Variants in TENT4B observed in about 807,000 individuals in gnomAD.
TENT4B encodes the protein terminal nucleotidyltransferase 4B, also known as PAP associated domain containing 5.
TENT4B carries 10 observed loss-of-function variants against 75.0 expected under a neutral mutation model. That is an observed-to-expected ratio of 0.13 (90% CI 0.08 to 0.23). The LOEUF (loss-of-function observed/expected upper bound fraction) is 0.23. Among genes scored for constraint, TENT4B ranks in the 10% least tolerant of loss-of-function variants. TENT4B has a pLI of 1.00. For missense variants in TENT4B, 579 were observed against 893.8 expected (o/e 0.65, Z 4.49); for synonymous variants, 350 against 357.7 (o/e 0.98, Z 0.24).
chr16:50,209,249 C>T (rs1256807808), intron 1 of TENT4B, among the ~76,000 whole-genome samples: 2 of 152,192 alleles, frequency 1.3e-5, no homozygotes, highest in Non-Finnish European at 2.9e-5. Flanking sequence ...CAGCAGACTA[C>T]GCAATGAGAT....
intron 1 of TENT4B, among the ~76,000 whole-genome samples, chr16:50,157,450 T>G (rs1191508094): frequency 2.0e-5 from 3 of 152,226 alleles, no homozygotes; most frequent in African/African-American, 7.2e-5. Flanking sequence ...TTCTTTAATA[T>G]GTAGAGTAAG....
intron 7 of TENT4B, among the ~76,000 whole-genome samples, chr16:50,224,009 C>T (rs1350522851): frequency 6.6e-6 from 1 of 152,078 alleles, no homozygotes; most frequent in Non-Finnish European, 1.5e-5. Context: ...AAAATAGATT[C>T]TGCGTTATTG....
In TENT4B at chr16:50,230,075, C is replaced by T; in HGVS notation, c.*747C>T. On this transcript the variant is annotated 3_prime_UTR_variant, in exon 12 of 12. Transcript: ENST00000561678. ...GTCCTGCTGCAAAAATTTTTCCTCTCTAAAGAAAAGGTTTATGGTGGCAAA... is the reference window on the plus strand; with the variant it reads ...GTCCTGCTGCAAAAATTTTTCCTCTTTAAAGAAAAGGTTTATGGTGGCAAA... 2.0e-6 allele frequency: 2 copies of T among 984,320 alleles called. No homozygotes were observed. Among genetic ancestry groups the T allele is most frequent in the Non-Finnish European group, 2.4e-6 (2 of 829,644 alleles). The allele number at this position is 984,320 out of a possible 1,614,324, so 61.0% of individuals were successfully genotyped here. A position where few individuals can be genotyped will look rare whatever the true frequency, so the allele number is the denominator to read the frequency against.
intron 1 of TENT4B, among the ~76,000 whole-genome samples, chr16:50,198,735 T>G (rs1471087744): frequency 6.6e-6 from 1 of 152,166 alleles, no homozygotes; most frequent in Non-Finnish European, 1.5e-5. Context: ...TTTTGAAAAC[T>G]AAAGATGAGT....
intron 1 of TENT4B, among the ~76,000 whole-genome samples, chr16:50,173,292 G>A (rs2150685379): frequency 6.6e-6 from 1 of 152,194 alleles, no homozygotes; most frequent in East Asian, 1.9e-4. Flanking sequence ...ATAGGTGTAT[G>A]AGTTTATCTA....
chr16:50,229,053 A>G, intron 11 of TENT4B, 99 bp from the exon 12 acceptor site: 1 of 1,541,104 alleles, frequency 6.5e-7, no homozygotes. Flanking sequence ...TCTAGCCAGC[A>G]TATTCCTAGT....
intron 2 of TENT4B, among the ~76,000 whole-genome samples, chr16:50,212,087 G>A (rs1029215328): frequency 1.3e-5 from 2 of 151,974 alleles, no homozygotes; most frequent in Non-Finnish European, 2.9e-5. Flanking sequence ...TTGAGATGGG[G>A]TCTCACTCTG....
At chr16:50,210,568 A>C (rs1318023048) in intron 1 of TENT4B, among the ~76,000 whole-genome samples, 1 of 152,168 alleles carries the variant, frequency 6.6e-6, no homozygotes, top group African/African-American at 2.4e-5. Flanking sequence ...TTGCTGGTCC[A>C]TTGTTTCCAT....
At chr16:50,223,538 A>G (rs2031917810) in intron 7 of TENT4B, 151 bp downstream of exon 7, 1 of 623,172 alleles carries the variant, frequency 1.6e-6, no homozygotes. Context: ...CAAACATACT[A>G]AAATAAACAG....
intron 1 of TENT4B, among the ~76,000 whole-genome samples, chr16:50,168,060 T>C (rs949634477): frequency 6.6e-6 from 1 of 151,966 alleles, no homozygotes; most frequent in Non-Finnish European, 1.5e-5. Flanking sequence ...GAAATGACTC[T>C]TGTTTCCTCA....
intron 1 of TENT4B, among the ~76,000 whole-genome samples, chr16:50,200,808 T>G (rs1427522632): frequency 6.6e-6 from 1 of 152,062 alleles, no homozygotes; most frequent in African/African-American, 2.4e-5. Context: ...TTTTTTTTTT[T>G]TATTGAGACA....
chr16:50,228,612 G>A (rs200735102), intron 11 of TENT4B, among the ~76,000 whole-genome samples: 2 of 82,324 alleles, frequency 2.4e-5, no homozygotes, highest in African/African-American at 5.8e-5. Flanking sequence ...TAGGCCTCTT[G>A]GCTGTAACCT....
intron 1 of TENT4B, among the ~76,000 whole-genome samples, chr16:50,186,363 T>TGA (rs2038527218): frequency 1.3e-5 from 2 of 152,194 alleles, no homozygotes; most frequent in African/African-American, 4.8e-5. Context: ...GTTCCTGGCT[T>TGA]TCATCATCTA....
intron 1 of TENT4B, among the ~76,000 whole-genome samples, 159 bp downstream of exon 1, chr16:50,154,418 A>G (rs1597211317): frequency 6.9e-6 from 1 of 144,656 alleles, no homozygotes; most frequent in African/African-American, 2.6e-5. Flanking sequence ...CCAACCCCCC[A>G]GTCGTTCACA....
chr16:50,211,605 T>C lies in TENT4B; in HGVS notation c.762+159T>C, dbSNP rs527638100. Among the ~76,000 whole-genome samples the C allele has an allele frequency of 3.7e-4, 56 of 152,360 alleles. 2 individuals are homozygous for C. The South Asian group carries it at 0.011, about 30-fold the overall frequency. ...TAAAGGCAAACAATTTTCTGCAGTC[T>C]TTAGAATTGAGGCTTCCTAACTATT... On this transcript the variant is annotated intron_variant, in intron 2 of 11. Transcript: ENST00000561678.
chr16:50,199,011 C>G (rs2030464324), intron 1 of TENT4B, among the ~76,000 whole-genome samples: 1 of 152,252 alleles, frequency 6.6e-6, no homozygotes, highest in Admixed American at 6.5e-5. Flanking sequence ...AAGTGCCTAT[C>G]TCTCCCCTGA....
chr16:50,229,501 A>C lies in TENT4B; in HGVS notation c.*173A>C, dbSNP rs1159025636. The C allele has an allele frequency of 1.4e-5, 17 of 1,248,620 alleles. No individual in the cohort carries two copies. Among genetic ancestry groups the C allele is most frequent in the South Asian group, 3.7e-5 (1 of 27,312 alleles). 77.3% of individuals were successfully genotyped at this position (1,248,620 alleles called of 1,614,324 possible). A position where few individuals can be genotyped will look rare whatever the true frequency, so the allele number is the denominator to read the frequency against. On this transcript the variant is annotated 3_prime_UTR_variant, in exon 12 of 12. Coordinates refer to ENST00000561678, the MANE Select transcript of TENT4B (RefSeq NM_001365324.3). ...GATCATGAAGACTGACAACTGCAAA[A>C]AAAACAAAACAAAACAAAAAAAAAA...
chr16:50,169,687 C>T (rs915852365), intron 1 of TENT4B, among the ~76,000 whole-genome samples: 1 of 152,108 alleles, frequency 6.6e-6, no homozygotes, highest in Non-Finnish European at 1.5e-5. Context: ...TAGTTTCTAA[C>T]TGGGTCTGTT....
At chr16:50,228,135 G>C (rs1333199321) in intron 11 of TENT4B, 132 bp downstream of exon 11, 1 of 1,156,168 alleles carries the variant, frequency 8.6e-7, no homozygotes, top group East Asian at 2.6e-5. Flanking sequence ...TATTCTAAGA[G>C]GTTCCAACAC....
Sources: allele counts gnomAD v4.1 joint callset (sites outside exome capture counted in the v4.1 genomes callset), GRCh38; gene constraint gnomAD v4.1.1; transcripts MANE v1.5; gene names NCBI Gene and HGNC (gene_info 2026-07-23, HGNC 2026-07-21).